Variants in IQGAP3 observed in about 807,000 individuals in gnomAD.
IQGAP3 encodes IQ motif containing GTPase activating protein 3.
Under a neutral mutation model 208.2 loss-of-function variants are expected in IQGAP3, and 165 were observed. The ratio of observed to expected loss-of-function variants is 0.79; its 90% confidence interval spans 0.70 to 0.90. IQGAP3 has a LOEUF of 0.90. IQGAP3 is among the 40% of genes least tolerant of loss of function. IQGAP3 has a pLI of 0.00. For synonymous variants in IQGAP3, 703 were observed against 803.6 expected, an observed-to-expected ratio of 0.87 and a Z score of 2.12; for missense variants, 1,811 against 2,043.1, an observed-to-expected ratio of 0.89 and a Z score of 2.19.
intron 11 of IQGAP3, among the ~76,000 whole-genome samples, 168 bp from the exon 12 acceptor site, chr1:156,556,861 G>C (rs1571350006): frequency 6.6e-6 from 1 of 152,386 alleles, no homozygotes; most frequent in East Asian, 1.9e-4. Flanking sequence ...AGGAAGAAAA[G>C]GGGCTGGGTT....
intron 34 of IQGAP3, 80 bp from the exon 35 acceptor site, chr1:156,529,162 T>C: frequency 5.6e-6 from 8 of 1,422,478 alleles, no homozygotes; most frequent in South Asian, 4.9e-5. Context: ...GCCCAAGAGC[T>C]ACACACTGTG....
rs1431867385 is a variant in IQGAP3, at chr1:156,534,101, C to T, written c.3781G>A (p.Glu1261Lys). The part of the protein sequence containing the change: ...HRACQVPEPE[E>K]RFAVDEYSDM... ...GAGTACTCGTCCACTGCAAAACGCT[C>T]CTCTGGCTCTGGCACCTGGCAGGCT... Residue 1261 changes from glutamate (E) to lysine (K), a missense_variant, in exon 30 of 38, where the codon GAG (glutamate) becomes AAG (lysine). By Grantham distance (56) the Glu-to-Lys change is moderately conservative. Coordinates refer to ENST00000361170, the MANE Select transcript of IQGAP3 (RefSeq NM_178229.5). The T allele has an allele frequency of 2.5e-6, 4 of 1,614,098 alleles. No homozygotes were observed. The African/African-American group carries it at 4.0e-5, about 16-fold the overall frequency.
At chr1:156,546,842 C>G (rs1355353467) in intron 19 of IQGAP3, among the ~76,000 whole-genome samples, 1 of 152,220 alleles carries the variant, frequency 6.6e-6, no homozygotes, top group African/African-American at 2.4e-5. Flanking sequence ...CAGTCCTGAT[C>G]TGCACATCTG....
chr1:156,540,017 C>A lies in IQGAP3; in HGVS notation c.2740-27G>T, dbSNP rs745573605. 3.1e-6 allele frequency: 5 copies of A among 1,613,858 alleles called. No homozygotes were observed. In the East Asian group the frequency reaches 1.1e-4, roughly 36 times the overall value. On this transcript the variant is annotated intron_variant, in intron 23 of 37. Transcript: ENST00000361170. ...TGCAGGGGTGGAGGAGCGGGTGATA[C>A]AACTAGCCTAGGCCATCCCAGGGCA... is the stretch of plus-strand genomic sequence containing the variant.
At position 156,569,632 on chromosome 1, in the gene IQGAP3, C is replaced by T. The variant is rs981440990; in HGVS notation, c.38-169G>A. On this transcript the variant is annotated intron_variant, in intron 1 of 37. Transcript: ENST00000361170. The stretch of plus-strand genomic sequence containing the variant: ...CTCCCGGGTTCATGCCATTCTCCTG[C>T]GTCAGCCTCCCGAGTAGCTGGGACT... Among the ~76,000 whole-genome samples, 28 of 145,824 alleles carry T rather than the reference C, an allele frequency of 1.9e-4. No homozygotes were observed. The Admixed American group carries it at 2.0e-3, about 10-fold the overall frequency.
chr1:156,536,483 G>A (rs951316299), intron 27 of IQGAP3, among the ~76,000 whole-genome samples: 6 of 152,148 alleles, frequency 3.9e-5, no homozygotes, highest in Admixed American at 1.3e-4. Context: ...GGTAGGAGAA[G>A]GGGAGAGAGG....
chr1:156,552,880 C>A (rs1394855279), intron 13 of IQGAP3, among the ~76,000 whole-genome samples: 1 of 152,202 alleles, frequency 6.6e-6, no homozygotes, highest in Non-Finnish European at 1.5e-5. Context: ...TCAAGACCAG[C>A]CTGGGCAACG....
At chr1:156,544,716 A>G (rs1675149819) in intron 19 of IQGAP3, among the ~76,000 whole-genome samples, 1 of 152,084 alleles carries the variant, frequency 6.6e-6, no homozygotes, top group South Asian at 2.1e-4. Flanking sequence ...CCACATACCC[A>G]CACCCACACA....
At position 156,538,933 on chromosome 1, in the gene IQGAP3, G is replaced by A; in HGVS notation, c.3157C>T (p.Gln1053Ter). The change falls in exon 26 of 38, where the codon CAG becomes TAG. Residue 1053 changes from glutamine to a stop codon, truncating the protein, a stop_gained. Transcript: ENST00000361170. LOFTEE classifies it high-confidence loss of function. Reference protein sequence around the residue: ...YRNGRGQSALQEILGKVIQDV... With the variant: ...YRNGRGQSAL The stretch of plus-strand genomic sequence containing the variant: ...TGGATAACCTTGCCCAGAATCTCCT[G>A]CAGGGCACTCTGTCCCCGCCCATTA... 1 of 1,614,062 alleles carries A rather than the reference G, an allele frequency of 6.2e-7. No individual in the cohort carries two copies. The highest frequency in any genetic ancestry group is 8.5e-7 in the Non-Finnish European group (1 of 1,179,962).
At chr1:156,555,378 A>G (rs539742022) in intron 12 of IQGAP3, among the ~76,000 whole-genome samples, 33 of 152,184 alleles carry the variant, frequency 2.2e-4, no homozygotes, top group Middle Eastern at 6.8e-3. Context: ...ATGTGCCACC[A>G]CCACACCTGG....
rs774524776 is a variant in IQGAP3 at position 156,563,564 on chromosome 1, T to C, written c.608A>G (p.Asp203Gly). 1.6e-5 allele frequency: 25 copies of C among 1,611,798 alleles called. No individual in the cohort carries two copies. Among genetic ancestry groups the C allele is most frequent in the Non-Finnish European group, 2.0e-5 (24 of 1,179,080 alleles). ...GGILANELSVDEAAVHAAVLA... is the reference protein window; with the variant it reads ...GGILANELSVGEAAVHAAVLA... ...AGCCTAGTCCTTACCTGCAGCCTCATCCACCGAGAGCTCATTGGCCAAGAT... is the reference window on the plus strand; with the variant it reads ...AGCCTAGTCCTTACCTGCAGCCTCACCCACCGAGAGCTCATTGGCCAAGAT... The change falls in exon 7 of 38, where the codon GAT becomes GGT. Residue 203 changes from aspartate to glycine, a missense_variant. Coordinates refer to ENST00000361170, the MANE Select transcript of IQGAP3 (RefSeq NM_178229.5).
At chr1:156,560,902 C>A (rs371844150) in intron 11 of IQGAP3, 32 bp downstream of exon 11, 1 of 1,456,960 alleles carries the variant, frequency 6.9e-7, no homozygotes, top group Admixed American at 1.7e-5. Flanking sequence ...GAGATACGCA[C>A]AGAGCAGGCC....
At position 156,533,034 on chromosome 1, in the gene IQGAP3, A is replaced by G; in HGVS notation, c.4049T>C (p.Phe1350Ser). 6.2e-7 allele frequency: 1 copy of G among 1,614,090 alleles called. No homozygotes were observed. The highest frequency in any genetic ancestry group is 8.5e-7 in the Non-Finnish European group (1 of 1,179,982). The change falls in exon 32 of 38, where the codon TTT becomes TCT. Residue 1350 changes from phenylalanine (F) to serine (S), a missense_variant. By Grantham distance (155) the Phe-to-Ser change is radical (BLOSUM62 -2). Coordinates refer to ENST00000361170, the MANE Select transcript of IQGAP3 (RefSeq NM_178229.5). ...LEVSLTLTNK[F>S]EGLEADADDS... ...ATCAGCATCTGCCTCTAGTCCTTCA[A>G]ACTTGTTGGTCAGCGTCAGGGACAC...
rs1215530330 is a variant in IQGAP3 at position 156,526,262 on chromosome 1, A to C, written c.*224T>G. ...GCCAGGGGTTTGTCATGCATGATAA[A>C]AGCCACACAGCTGGACTCTGGGCAA... On this transcript the variant is annotated 3_prime_UTR_variant, in exon 38 of 38. Coordinates refer to ENST00000361170, the MANE Select transcript of IQGAP3 (RefSeq NM_178229.5). 2 of 546,798 alleles carry C rather than the reference A, an allele frequency of 3.7e-6. No individual in the cohort carries two copies. The allele number at this position is 546,798 out of a possible 1,614,324, so 33.9% of individuals were successfully genotyped here.
In IQGAP3 at chr1:156,561,996, C is replaced by A. The variant is rs1676176045; in HGVS notation, c.883G>T (p.Gly295Trp). 1.2e-6 allele frequency: 2 copies of A among 1,603,076 alleles called. No homozygotes were observed. Among genetic ancestry groups the A allele is most frequent in the Admixed American group, 1.7e-5 (1 of 57,386 alleles). Reference sequence around the variant, plus strand: ...GCATCATCAACAACTTCTAGAGCCCCATGGACTGAAAAAAAATGACTCCAT... The same window carrying A: ...GCATCATCAACAACTTCTAGAGCCCAATGGACTGAAAAAAAATGACTCCAT... ...QGNINHVNVHGALEVVDDALE... is the reference protein window; with the variant it reads ...QGNINHVNVHWALEVVDDALE... Residue 295 changes from glycine (G) to tryptophan (W), a missense_variant, in exon 10 of 38, where the codon GGG becomes TGG. Physicochemically the swap from Gly to Trp is radical, Grantham distance 184. Transcript: ENST00000361170.
chr1:156,572,116 G>A (rs1016428567), intron 1 of IQGAP3, among the ~76,000 whole-genome samples: 2 of 152,166 alleles, frequency 1.3e-5, no homozygotes, highest in Non-Finnish European at 2.9e-5. Context: ...AAGCCTAAGA[G>A]TCCCCCAGAT....
intron 33 of IQGAP3, 69 bp downstream of exon 33, chr1:156,531,088 ACAG>A: frequency 1.9e-6 from 2 of 1,067,748 alleles, no homozygotes. Flanking sequence ...GAGGAGGGAA[ACAG>A]CAGCGGTGCA....
rs751413751 is a variant in IQGAP3, at chr1:156,566,041, T to C, written c.346A>G (p.Ile116Val). The change falls in exon 4 of 38, where the codon ATC becomes GTC. Residue 116 changes from isoleucine (I) to valine (V), a missense_variant. Transcript: ENST00000361170. ...CCCAGTATTACCGAAGGCAGACCGA[T>C]GTGGGCTATTGCAGATAGCCAAAAG... ...INFWLSAIAHIGLPSTFFPET... is the reference protein window; with the variant it reads ...INFWLSAIAHVGLPSTFFPET... The C allele has an allele frequency of 3.1e-5, 50 of 1,613,360 alleles. No individual in the cohort carries two copies. Among genetic ancestry groups the C allele is most frequent in the Non-Finnish European group, 4.2e-5 (50 of 1,179,460 alleles).
Position 156,564,683 on chromosome 1 carries a change from G to T in IQGAP3, c.369C>A (p.Phe123Leu). 6.2e-7 allele frequency: 1 copy of T among 1,613,372 alleles called. No individual in the cohort carries two copies. The highest frequency in any genetic ancestry group is 1.7e-5 in the Admixed American group (1 of 60,004). Residue 123 changes from phenylalanine (F) to leucine (L), a missense_variant, in exon 5 of 38, where the codon TTC becomes TTA. Phe to Leu is a conservative substitution (Grantham distance 22, BLOSUM62 0). Coordinates refer to ENST00000361170, the MANE Select transcript of IQGAP3 (RefSeq NM_178229.5). ...IAHIGLPSTFFPETTDIYDKK... is the reference protein window; with the variant it reads ...IAHIGLPSTFLPETTDIYDKK... ...TGTCATAGATGTCCGTGGTCTCTGG[G>T]AAGAAGGTCTAGAGGAGAAACCAGC...
Sources: allele counts gnomAD v4.1 joint callset (sites outside exome capture counted in the v4.1 genomes callset), GRCh38; gene constraint gnomAD v4.1.1; transcripts MANE v1.5; gene names NCBI Gene and HGNC (gene_info 2026-07-23, HGNC 2026-07-21).